Variants in NRG3 observed in about 807,000 individuals in gnomAD.
NRG3 encodes the protein pro-neuregulin-3, membrane-bound isoform.
A neutral mutation model predicts 66.9 loss-of-function variants in NRG3; 31 were observed. The observed-to-expected ratio is 0.46, with a 90% confidence interval of 0.35 to 0.63. The LOEUF is 0.63. NRG3 is among the 20% of genes least tolerant of loss of function. The pLI is 0.00. For missense variants in NRG3, 910 were observed against 878.9 expected (o/e 1.04, Z -0.45); for synonymous variants, 393 against 359.4 (o/e 1.09, Z -1.06).
At position 82,850,925 on chromosome 10, in the gene NRG3, G is replaced by A. The variant is rs539504117; in HGVS notation, c.1028-14486G>A. ...GCCATAGACATACTGAATTTAAAGG[G>A]TAAATACTTGAAACCTATCACCTGA... On this transcript the variant is annotated intron_variant, in intron 3 of 8. Coordinates refer to ENST00000372141, the MANE Select transcript of NRG3 (RefSeq NM_001010848.4). Among the ~76,000 whole-genome samples, 9 of 152,160 alleles carry A rather than the reference G, an allele frequency of 5.9e-5. No homozygotes were observed. The East Asian group carries it at 1.2e-3, about 20-fold the overall frequency.
chr10:82,091,815 T>C lies in NRG3; in HGVS notation c.823+215652T>C, dbSNP rs141276290. ...TTCTCCACGTTCTCACCGACACTTG[T>C]GATTTTGTGTTTTTATTTTAAATAA... On this transcript the variant is annotated intron_variant, in intron 1 of 8. Coordinates refer to ENST00000372141, the MANE Select transcript of NRG3 (RefSeq NM_001010848.4). Among the ~76,000 whole-genome samples the C allele has an allele frequency of 1.9e-3, 297 of 152,314 alleles. 1 individual carries two copies. The highest frequency in any genetic ancestry group is 6.8e-3 in the African/African-American group (284 of 41,568).
At chr10:82,601,016 C>T (rs927278599) in intron 2 of NRG3, among the ~76,000 whole-genome samples, 1 of 152,126 alleles carries the variant, frequency 6.6e-6, no homozygotes, top group South Asian at 2.1e-4. Flanking sequence ...CAAAGTTTAG[C>T]TCACCCTTAT....
chr10:82,051,773 C>A (rs2063604457), intron 1 of NRG3, among the ~76,000 whole-genome samples: 1 of 152,112 alleles, frequency 6.6e-6, no homozygotes, highest in Admixed American at 6.6e-5. Context: ...ATTATTAAAT[C>A]TAAATTATCT....
intron 2 of NRG3, among the ~76,000 whole-genome samples, chr10:82,722,841 G>A (rs2057388155): frequency 6.6e-6 from 1 of 152,018 alleles, no homozygotes; most frequent in African/African-American, 2.4e-5. Flanking sequence ...TCCAAAGTTG[G>A]TCTTCATGAC....
intron 4 of NRG3, among the ~76,000 whole-genome samples, chr10:82,919,309 C>G (rs2132049281): frequency 6.6e-6 from 1 of 152,168 alleles, no homozygotes; most frequent in East Asian, 1.9e-4. Flanking sequence ...GAGATATGCT[C>G]CAAGAGAGCA....
chr10:82,192,788 G>T (rs1026396278), intron 1 of NRG3, among the ~76,000 whole-genome samples: 4 of 152,130 alleles, frequency 2.6e-5, no homozygotes, highest in Non-Finnish European at 4.4e-5. Context: ...CATAAAGAGC[G>T]AATCAAGTGG....
chr10:82,729,356 C>T (rs1240898908), intron 2 of NRG3, among the ~76,000 whole-genome samples: 2 of 152,120 alleles, frequency 1.3e-5, no homozygotes, highest in African/African-American at 4.8e-5. Flanking sequence ...TATTTTATTA[C>T]CTCTGGTATG....
chr10:82,186,241 A>G (rs1013530190), intron 1 of NRG3, among the ~76,000 whole-genome samples: 7 of 152,186 alleles, frequency 4.6e-5, no homozygotes, highest in African/African-American at 1.7e-4. Context: ...ATCTCCACAT[A>G]CCAACTTAAA....
chr10:81,911,616 T>G (rs1253593506), intron 1 of NRG3, among the ~76,000 whole-genome samples: 1 of 146,556 alleles, frequency 6.8e-6, no homozygotes, highest in African/African-American at 2.5e-5. Context: ...TTTTTTTTTT[T>G]TTTTTTTTTT....
intron 2 of NRG3, among the ~76,000 whole-genome samples, chr10:82,731,142 G>A (rs934963168): frequency 2.0e-5 from 3 of 151,952 alleles, no homozygotes; most frequent in East Asian, 3.9e-4. Context: ...TGAGGCAGGC[G>A]GATAACTTGA....
chr10:82,892,121 A>G (rs1319024063), intron 4 of NRG3, among the ~76,000 whole-genome samples: 1 of 152,208 alleles, frequency 6.6e-6, no homozygotes, highest in African/African-American at 2.4e-5. Flanking sequence ...GGGATATATT[A>G]TACCTTTTAA....
chr10:82,306,198 A>T (rs1386367031), intron 1 of NRG3, among the ~76,000 whole-genome samples: 1 of 152,176 alleles, frequency 6.6e-6, no homozygotes, highest in African/African-American at 2.4e-5. Flanking sequence ...ACACTTGATC[A>T]TGATGTATTA....
intron 1 of NRG3, among the ~76,000 whole-genome samples, chr10:81,926,363 C>G (rs1018258816): frequency 1.3e-5 from 2 of 152,044 alleles, no homozygotes; most frequent in African/African-American, 4.8e-5. Flanking sequence ...TCAAGTAATA[C>G]ATCCGCCTTG....
chr10:81,923,452 G>A (rs1420571764), intron 1 of NRG3, among the ~76,000 whole-genome samples: 1 of 152,102 alleles, frequency 6.6e-6, no homozygotes, highest in Non-Finnish European at 1.5e-5. Context: ...TGATCCGCCC[G>A]CCTCGGCCTC....
At chr10:82,876,302 A>G (rs1200648946) in intron 4 of NRG3, among the ~76,000 whole-genome samples, 1 of 152,226 alleles carries the variant, frequency 6.6e-6, no homozygotes, top group African/African-American at 2.4e-5. Context: ...GAATTTCATG[A>G]ATTTCTTATG....
At chr10:82,491,880 T>G (rs1272504771) in intron 2 of NRG3, among the ~76,000 whole-genome samples, 1 of 152,240 alleles carries the variant, frequency 6.6e-6, no homozygotes, top group East Asian at 1.9e-4. Flanking sequence ...ATCTGTGCTC[T>G]TTCTTTGGTT....
chr10:82,301,503 A>G (rs926183977), intron 1 of NRG3, among the ~76,000 whole-genome samples: 1 of 152,028 alleles, frequency 6.6e-6, no homozygotes, highest in Admixed American at 6.6e-5. Flanking sequence ...ATTCACTACA[A>G]TATAGGGTAG....
At chr10:82,667,673 T>A (rs1270019061) in intron 2 of NRG3, among the ~76,000 whole-genome samples, 1 of 152,108 alleles carries the variant, frequency 6.6e-6, no homozygotes, top group African/African-American at 2.4e-5. Flanking sequence ...TGATATTAAG[T>A]CTTACTCCTT....
intron 1 of NRG3, among the ~76,000 whole-genome samples, chr10:81,918,972 A>ACACAC (rs10629762): frequency 0.099 from 12,782 of 129,362 alleles, 863 homozygotes; most frequent in East Asian, 0.39. Flanking sequence ...GCATCATAAC[A>ACACAC]AAACACACAC....
Sources: gnomAD v4.1 joint callset for allele counts (sites outside exome capture counted in the v4.1 genomes callset) on GRCh38, gnomAD v4.1.1 for gene constraint, MANE v1.5 for transcripts, NCBI Gene and HGNC (gene_info 2026-07-23, HGNC 2026-07-21) for gene names.